MROH2B: variants seen among roughly 807,000 people sequenced by gnomAD.
MROH2B encodes maestro heat like repeat family member 2B, also known as maestro heat-like repeat-containing protein family member 2B.
A neutral mutation model predicts 208.6 loss-of-function variants in MROH2B; 177 were observed. The ratio of observed to expected loss-of-function variants is 0.85; its 90% confidence interval spans 0.75 to 0.96. The LOEUF is 0.96. Ranked by LOEUF, MROH2B falls within the 40% of genes least tolerant of loss-of-function variation. The pLI, the probability that MROH2B is intolerant of heterozygous loss-of-function variation, is 0.00. For missense variants in MROH2B, 2,002 were observed against 1,878.7 expected (o/e 1.07, Z -1.21); for synonymous variants, 728 against 659.0 (o/e 1.10, Z -1.60).
At chr5:41,022,153 C>T (rs562342720) in intron 24 of MROH2B, among the ~76,000 whole-genome samples, 115 of 152,256 alleles carry the variant, frequency 7.6e-4, no homozygotes, top group Non-Finnish European at 1.4e-3. Context: ...TTCTGCATTT[C>T]CCACTGAGGT....
rs773922186 is a variant in MROH2B, at chr5:41,015,479, C to T, written c.2885-1G>A. On this transcript the variant is annotated splice_acceptor_variant, in intron 28 of 41. Coordinates refer to ENST00000399564, the MANE Select transcript of MROH2B (RefSeq NM_173489.5). LOFTEE classifies it high-confidence loss of function. Reference sequence around the variant, plus strand: ...AGTCTTTCCACTTCCAAGTGAATGCCTAAAATCAACAAAGTGAGAAATGTT... The same window carrying T: ...AGTCTTTCCACTTCCAAGTGAATGCTTAAAATCAACAAAGTGAGAAATGTT... 1 of 1,612,920 alleles carries T rather than the reference C, an allele frequency of 6.2e-7. No homozygotes were observed. The highest frequency in any genetic ancestry group is 1.3e-5 in the African/African-American group (1 of 74,862).
Position 41,033,047 on chromosome 5 carries a change from G to A in MROH2B, c.2355C>T (p.Tyr785=). The A allele has an allele frequency of 6.2e-7, 1 of 1,612,962 alleles. No homozygotes were observed. The highest frequency in any genetic ancestry group is 8.5e-7 in the Non-Finnish European group (1 of 1,179,218). The change falls in exon 23 of 42, where the codon TAC becomes TAT. Residue 785 remains tyrosine, a synonymous_variant. Coordinates refer to ENST00000399564, the MANE Select transcript of MROH2B (RefSeq NM_173489.5). ...TCCCTCTCTGCACACTCACCAGCAT[G>A]TAACCAATCAGCATCTCCTTGTAGG... is the stretch of plus-strand genomic sequence containing the variant. ...QFSYKEMLIG[Y]MLDFIRDEPL...
chr5:41,018,099 T>C, intron 27 of MROH2B, 129 bp from the exon 28 acceptor site: 1 of 1,324,128 alleles, frequency 7.6e-7, no homozygotes, highest in East Asian at 2.5e-5. Context: ...GATCTTGCAC[T>C]TTCTCCTAAA....
At position 41,071,034 on chromosome 5, in the gene MROH2B, T is replaced by C. The variant is rs1743975685; in HGVS notation, c.-182A>G. ...TGGGAGCTTCCAGAGATGGGCTTGC[T>C]GTTGAAGTTGATACTGTATTCTACC... On this transcript the variant is annotated 5_prime_UTR_variant, in exon 1 of 42. Coordinates refer to ENST00000399564, the MANE Select transcript of MROH2B (RefSeq NM_173489.5). 1.7e-6 allele frequency: 1 copy of C among 602,826 alleles called. No individual in the cohort carries two copies. The highest frequency in any genetic ancestry group is 2.8e-5 in the East Asian group (1 of 36,066). 37.3% of individuals were successfully genotyped at this position (602,826 alleles called of 1,614,324 possible).
At position 41,058,185 on chromosome 5, in the gene MROH2B, C is replaced by G. The variant is rs758832455; in HGVS notation, c.634G>C (p.Ala212Pro). The G allele has an allele frequency of 1.1e-5, 17 of 1,591,676 alleles. No individual in the cohort carries two copies. The highest frequency in any genetic ancestry group is 1.5e-5 in the Non-Finnish European group (17 of 1,168,510). ...SPMQTLSIVK[A>P]HGPTVSLLLH... ...AGCAAGCTCACCGTGGGCCCGTGGG[C>G]CTTAACGATGCTCAAAGTCTGTACA... Residue 212 changes from alanine (A) to proline (P), a missense_variant, in exon 7 of 42, where the codon GCC (alanine) becomes CCC (proline). By Grantham distance (27) the Ala-to-Pro change is conservative. Transcript: ENST00000399564.
chr5:41,045,474 A>G (rs1205546709), intron 18 of MROH2B, among the ~76,000 whole-genome samples: 2 of 152,192 alleles, frequency 1.3e-5, no homozygotes, highest in Non-Finnish European at 2.9e-5. Context: ...CTGTAGAAAG[A>G]ACCTCTGAAT....
rs201250871 is a variant in MROH2B at position 41,038,863 on chromosome 5, A to G, written c.2087T>C (p.Leu696Pro). Residue 696 changes from leucine (L) to proline (P), a missense_variant, in exon 21 of 42, where the codon CTG (leucine) becomes CCG (proline). By Grantham distance (98) the Leu-to-Pro change is moderately conservative. Transcript: ENST00000399564. ...CKSLFSGKKSLTKTDVMVIYG... is the reference protein window; with the variant it reads ...CKSLFSGKKSPTKTDVMVIYG... ...GATGACCATGACATCTGTCTTGGTC[A>G]GGCTCTTTTTCCCAGAAAAAAGGCT... 2.5e-6 allele frequency: 4 copies of G among 1,608,640 alleles called. No individual in the cohort carries two copies. The highest frequency in any genetic ancestry group is 1.7e-5 in the Admixed American group (1 of 58,812).
intron 21 of MROH2B, among the ~76,000 whole-genome samples, chr5:41,034,690 C>T (rs988278919): frequency 2.0e-5 from 3 of 151,956 alleles, no homozygotes; most frequent in African/African-American, 7.3e-5. Context: ...TGAGTTAATA[C>T]AGAGGAAACC....
In MROH2B at chr5:41,065,499, GA is replaced by G. The variant is rs767283087; in HGVS notation, c.202-10del. 27 of 1,610,222 alleles carry G rather than the reference GA, an allele frequency of 1.7e-5. No individual in the cohort carries two copies. The African/African-American group carries it at 3.3e-4, about 20-fold the overall frequency. ...CTGATTTCTCTGAGCATCTGAGGAG[GA>G]AAAGAAAAATAACAATAACAACTAG... On this transcript the variant is annotated splice_polypyrimidine_tract_variant and intron_variant, in intron 3 of 41. Coordinates refer to ENST00000399564, the MANE Select transcript of MROH2B (RefSeq NM_173489.5).
intron 40 of MROH2B, 50 bp from the exon 41 acceptor site, chr5:40,998,727 C>T (rs1741290153): frequency 6.8e-7 from 1 of 1,478,174 alleles, no homozygotes; most frequent in East Asian, 2.4e-5. Flanking sequence ...GAGGAAGAAG[C>T]CATGAAAAGT....
chr5:40,998,413 T>A lies in MROH2B; in HGVS notation c.4651+199A>T, dbSNP rs2271706. Among the ~76,000 whole-genome samples the A allele has an allele frequency of 4.3e-4, 65 of 152,320 alleles. No individual in the cohort carries two copies. The East Asian group carries it at 9.3e-3, about 22-fold the overall frequency. ...CAATTGGAAAATCGTAGTCTATTGGTGTTTCTGATGCCTGCAAAGGGCTGG... is the reference window on the plus strand; with the variant it reads ...CAATTGGAAAATCGTAGTCTATTGGAGTTTCTGATGCCTGCAAAGGGCTGG... On this transcript the variant is annotated intron_variant, in intron 41 of 41. Coordinates refer to ENST00000399564, the MANE Select transcript of MROH2B (RefSeq NM_173489.5).
chr5:41,025,993 A>T (rs1742345550), intron 24 of MROH2B, among the ~76,000 whole-genome samples: 1 of 152,334 alleles, frequency 6.6e-6, no homozygotes, highest in African/African-American at 2.4e-5. Flanking sequence ...ACAGCCCCTC[A>T]TGCTAAAAAC....
intron 29 of MROH2B, among the ~76,000 whole-genome samples, chr5:41,013,500 G>C (rs1326292323): frequency 6.6e-6 from 1 of 152,196 alleles, no homozygotes; most frequent in Non-Finnish European, 1.5e-5. Flanking sequence ...TTATGAGTTT[G>C]TAGACACTAG....
chr5:41,049,215 G>C, intron 14 of MROH2B, 65 bp downstream of exon 14: 1 of 1,608,620 alleles, frequency 6.2e-7, no homozygotes, highest in Middle Eastern at 1.7e-4. Flanking sequence ...TCAAAGCACT[G>C]TAGCCTTCCT....
intron 24 of MROH2B, among the ~76,000 whole-genome samples, chr5:41,019,953 C>T (rs1349716004): frequency 1.3e-5 from 2 of 152,136 alleles, no homozygotes; most frequent in Admixed American, 6.6e-5. Context: ...CTATGATACT[C>T]TATTTTTTTT....
At position 41,057,563 on chromosome 5, in the gene MROH2B, C is replaced by CCTTTTTTTTTTTTTT. The variant is rs1743498160; in HGVS notation, c.757-204_757-203insAAAAAAAAAAAAAAG. Among the ~76,000 whole-genome samples, 6 of 73,252 alleles carry CCTTTTTTTTTTTTTT rather than the reference C, an allele frequency of 8.2e-5. 1 individual carries two copies. Among genetic ancestry groups the CCTTTTTTTTTTTTTT allele is most frequent in the Non-Finnish European group, 1.4e-4 (6 of 41,526 alleles). 48.1% of individuals were successfully genotyped at this position (73,252 alleles called of 152,430 possible). The stretch of plus-strand genomic sequence containing the variant: ...ATGAATGAATGAACGAATATCCCTC[C>CCTTTTTTTTTTTTTT]TTTTTTTTTTTGAGACGGAGTCTTG... On this transcript the variant is annotated intron_variant, in intron 7 of 41. Transcript: ENST00000399564.
Position 41,012,665 on chromosome 5 carries a change from C to A in MROH2B, c.3053G>T (p.Ser1018Ile), listed in dbSNP as rs781155321. The A allele has an allele frequency of 1.2e-6, 2 of 1,613,784 alleles. No individual in the cohort carries two copies. The highest frequency in any genetic ancestry group is 2.7e-5 in the African/African-American group (2 of 74,912). The change falls in exon 30 of 42, where the codon AGC becomes ATC. Residue 1018 changes from serine (S) to isoleucine (I), a missense_variant. Ser to Ile is a moderately radical substitution (Grantham distance 142, BLOSUM62 -2). Transcript: ENST00000399564. ...FLEEMLDGLE[S>I]LNPTCTKACG... ...GGCCTTTGTACAAGTGGGGTTGAGG[C>A]TCTCCAGACCGTCCAGCATTTCCTC...
intron 37 of MROH2B, among the ~76,000 whole-genome samples, chr5:41,002,366 G>A (rs765981636): frequency 8.5e-5 from 13 of 152,164 alleles, no homozygotes; most frequent in Non-Finnish European, 1.5e-4. Context: ...GATTGCTCAG[G>A]GTGACAGTGT....
At chr5:41,011,930 A>G (rs1741787067) in intron 30 of MROH2B, among the ~76,000 whole-genome samples, 1 of 152,194 alleles carries the variant, frequency 6.6e-6, no homozygotes, top group Admixed American at 6.5e-5. Context: ...GGCCTCCCAA[A>G]GTGCTGGGAT....
Sources: gnomAD v4.1 joint callset for allele counts (sites outside exome capture counted in the v4.1 genomes callset) on GRCh38, gnomAD v4.1.1 for gene constraint, MANE v1.5 for transcripts, NCBI Gene and HGNC (gene_info 2026-07-23, HGNC 2026-07-21) for gene names.